The following PKD1L3 variants were observed in gnomAD, a reference collection of about 807,000 sequenced individuals.
PKD1L3 encodes polycystin-1-like protein 3.
A neutral mutation model predicts 184.1 loss-of-function variants in PKD1L3; 239 were observed. That is an observed-to-expected ratio of 1.30 (90% CI 1.17 to 1.45). PKD1L3 has a LOEUF of 1.45. PKD1L3 is among the 40% of genes most tolerant of loss of function. The pLI is 0.00. For synonymous variants in PKD1L3, 996 were observed against 778.8 expected (o/e 1.28, Z -4.64); for missense variants, 2,660 against 2,067.2 (o/e 1.29, Z -5.56).
intron 24 of PKD1L3, among the ~76,000 whole-genome samples, chr16:71,939,485 T>A (rs1216861712): frequency 6.6e-6 from 1 of 152,194 alleles, no homozygotes; most frequent in Non-Finnish European, 1.5e-5. Context: ...GATGTACCCC[T>A]TGTAGGTAAA....
rs1396851946 is a variant in PKD1L3 at position 71,944,055 on chromosome 16, G to C, written c.3834C>G (p.Leu1278=). ...HPERTLKKKK[L]FKLTGDILVQ... is the part of the protein sequence containing the mutation. ...CCAAAATATCTCCAGTCAGCTTGAA[G>C]AGTTTCTTCTTTTTCAAGGTTCTTT... The change falls in exon 23 of 30, where the codon CTC becomes CTG. Residue 1278 remains leucine (L), a synonymous_variant. Coordinates refer to ENST00000620267, the MANE Select transcript of PKD1L3 (RefSeq NM_181536.2). The C allele has an allele frequency of 1.3e-6, 2 of 1,551,788 alleles. No homozygotes were observed. The highest frequency in any genetic ancestry group is 2.7e-5 in the African/African-American group (2 of 72,954).
chr16:71,989,248 G>C (rs2040495597), intron 4 of PKD1L3, among the ~76,000 whole-genome samples: 1 of 152,174 alleles, frequency 6.6e-6, no homozygotes, highest in South Asian at 2.1e-4. Context: ...TCCGCCTCCT[G>C]GGTTCAAGTG....
intron 13 of PKD1L3, among the ~76,000 whole-genome samples, chr16:71,968,703 C>T (rs1363560383): frequency 6.6e-6 from 1 of 151,768 alleles, no homozygotes; most frequent in Non-Finnish European, 1.5e-5. Context: ...TCAAGTGATC[C>T]TCCCACCTCA....
At chr16:71,937,215 C>A in intron 25 of PKD1L3, 77 bp downstream of exon 25, 2 of 1,431,462 alleles carry the variant, frequency 1.4e-6, no homozygotes, top group Non-Finnish European at 1.9e-6. Flanking sequence ...GCCACCACAC[C>A]TGGGTAATTT....
chr16:71,980,529 A>C (rs975736458), intron 7 of PKD1L3, among the ~76,000 whole-genome samples: 1 of 152,166 alleles, frequency 6.6e-6, no homozygotes, highest in African/African-American at 2.4e-5. Context: ...TTTAGGATTC[A>C]TCCTCCCTAA....
At position 71,946,062 on chromosome 16, in the gene PKD1L3, G is replaced by A. The variant is rs561061136; in HGVS notation, c.3718+1430C>T. On this transcript the variant is annotated intron_variant, in intron 22 of 29. Transcript: ENST00000620267. ...CAACCTCCGCCTCCCAGGTTCAAGC[G>A]ATTCTCCTGCCTCAGCCTCCCACGT... Among the ~76,000 whole-genome samples the A allele has an allele frequency of 3.9e-5, 6 of 152,244 alleles. No individual in the cohort carries two copies. The South Asian group carries it at 6.2e-4, about 16-fold the overall frequency.
chr16:71,987,839 A>C (rs2040433243), intron 4 of PKD1L3, among the ~76,000 whole-genome samples: 1 of 152,086 alleles, frequency 6.6e-6, no homozygotes, highest in Admixed American at 6.6e-5. Flanking sequence ...ACAGGGAGAG[A>C]GAGAGCTCTG....
intron 14 of PKD1L3, among the ~76,000 whole-genome samples, 193 bp downstream of exon 14, chr16:71,967,713 C>T (rs2039554715): frequency 6.6e-6 from 1 of 152,132 alleles, no homozygotes; most frequent in African/African-American, 2.4e-5. Context: ...GACCTCCCCA[C>T]CTTGGCCTCC....
chr16:71,976,643 A>G (rs922871095), intron 11 of PKD1L3, among the ~76,000 whole-genome samples: 3 of 152,182 alleles, frequency 2.0e-5, no homozygotes, highest in African/African-American at 4.8e-5. Context: ...AAGTGGCCAC[A>G]TGAAGTAGCT....
intron 10 of PKD1L3, among the ~76,000 whole-genome samples, 159 bp from the exon 11 acceptor site, chr16:71,977,626 G>A (rs1488375545): frequency 6.8e-6 from 1 of 147,044 alleles, no homozygotes; most frequent in Non-Finnish European, 1.5e-5. Flanking sequence ...TGAACTCCTG[G>A]TCTCAAGCAA....
intron 2 of PKD1L3, among the ~76,000 whole-genome samples, chr16:71,996,176 AT>A (rs1469870446): frequency 6.6e-6 from 1 of 151,152 alleles, no homozygotes; most frequent in Non-Finnish European, 1.5e-5. Context: ...ACAACAGGAT[AT>A]GGACGCTGAT....
At chr16:71,996,349 C>A (rs1171138925) in intron 2 of PKD1L3, among the ~76,000 whole-genome samples, 1 of 151,140 alleles carries the variant, frequency 6.6e-6, no homozygotes, top group East Asian at 1.9e-4. Flanking sequence ...GCAACCTCCG[C>A]CTCCCGGTTC....
chr16:71,969,844 G>A (rs745441573), intron 13 of PKD1L3, 31 bp downstream of exon 13: 18 of 1,518,576 alleles, frequency 1.2e-5, no homozygotes, highest in Non-Finnish European at 1.5e-5. Context: ...AAAACATCAT[G>A]GCAAATCTGT....
In PKD1L3 at chr16:71,930,159, C is replaced by G; in HGVS notation, c.4951G>C (p.Gly1651Arg). The G allele has an allele frequency of 6.5e-7, 1 of 1,550,220 alleles. No individual in the cohort carries two copies. Among genetic ancestry groups the G allele is most frequent in the African/African-American group, 1.4e-5 (1 of 73,036 alleles). The change falls in exon 29 of 30, where the codon GGC becomes CGC. Residue 1651 changes from glycine to arginine, a missense_variant. Physicochemically the swap from Gly to Arg is moderately radical, Grantham distance 125. Coordinates refer to ENST00000620267, the MANE Select transcript of PKD1L3 (RefSeq NM_181536.2). ...ACACTGGTGAGGATCAGAAAGGTGC[C>G]CAGGACTGGGTCTAAAGCGAAAACC... is the stretch of plus-strand genomic sequence containing the variant. ...EEVFALDPVL[G>R]TFLILTSVIL...
chr16:71,934,097 C>T lies in PKD1L3; in HGVS notation c.4642G>A (p.Val1548Met), dbSNP rs2038089861. The change falls in exon 27 of 30, where the codon GTG (valine) becomes ATG (methionine). Residue 1548 changes from valine to methionine, a missense_variant. Coordinates refer to ENST00000620267, the MANE Select transcript of PKD1L3 (RefSeq NM_181536.2). Reference sequence around the variant, plus strand: ...ACAAGGTGAGTCGCAGCAGAGTTCACTTTTACTGCCTCATAGAAGCTGATG... The same window carrying T: ...ACAAGGTGAGTCGCAGCAGAGTTCATTTTTACTGCCTCATAGAAGCTGATG... ...RFISFYEAVK[V>M]NSAATHLVGF... The T allele has an allele frequency of 6.4e-7, 1 of 1,551,882 alleles. No individual in the cohort carries two copies. Among genetic ancestry groups the T allele is most frequent in the Non-Finnish European group, 8.7e-7 (1 of 1,147,036 alleles).
At chr16:71,978,006 T>C (rs1362558872) in intron 10 of PKD1L3, among the ~76,000 whole-genome samples, 1 of 152,012 alleles carries the variant, frequency 6.6e-6, no homozygotes, top group Non-Finnish European at 1.5e-5. Flanking sequence ...ACTCCTGACC[T>C]CAAGTGATCT....
chr16:71,979,146 T>C (rs1416857846), intron 9 of PKD1L3, among the ~76,000 whole-genome samples: 3 of 152,166 alleles, frequency 2.0e-5, no homozygotes, highest in Admixed American at 6.6e-5. Flanking sequence ...TCTCAGCTTT[T>C]TGTAAATAGT....
chr16:71,987,930 G>C (rs1007279857), intron 4 of PKD1L3, among the ~76,000 whole-genome samples: 1 of 152,176 alleles, frequency 6.6e-6, no homozygotes, highest in Non-Finnish European at 1.5e-5. Flanking sequence ...GACCAAGGAA[G>C]CTAGAGGAGT....
Position 71,953,011 on chromosome 16 carries a change from T to C in PKD1L3, c.2892A>G (p.Ile964Met). The C allele has an allele frequency of 6.5e-7, 1 of 1,548,838 alleles. No homozygotes were observed. Among genetic ancestry groups the C allele is most frequent in the South Asian group, 1.2e-5 (1 of 83,398 alleles). ...AVILFPINLV[I>M]GRLFPLIEPQ... ...GCTCAATCAACGGGAAGAGCCGCCC[T>C]ATGACAAGATTGATTGGGAAGAGGA... The change falls in exon 18 of 30, where the codon ATA becomes ATG. Residue 964 changes from isoleucine to methionine, a missense_variant. Ile to Met is a conservative substitution (Grantham distance 10). Transcript: ENST00000620267.
Sources: allele counts gnomAD v4.1 joint callset (sites outside exome capture counted in the v4.1 genomes callset), GRCh38; gene constraint gnomAD v4.1.1; transcripts MANE v1.5; gene names NCBI Gene and HGNC (gene_info 2026-07-23, HGNC 2026-07-21).